The following TBC1D5 variants were observed in gnomAD, a reference collection of about 807,000 sequenced individuals.
TBC1D5 encodes the protein TBC1 domain family member 5.
TBC1D5 carries 75 observed loss-of-function variants against 100.3 expected under a neutral mutation model. The observed-to-expected ratio is 0.75, with a 90% CI of 0.62 to 0.91. The LOEUF (loss-of-function observed/expected upper bound fraction) is 0.91, where lower values mean the gene tolerates loss of function less well. TBC1D5 is among the 40% of genes least tolerant of loss of function. TBC1D5 has a pLI of 0.00. For synonymous variants in TBC1D5, 323 were observed against 325.6 expected (o/e 0.99, Z 0.09); for missense variants, 910 against 942.4 (o/e 0.97, Z 0.45).
intron 3 of TBC1D5, among the ~76,000 whole-genome samples, chr3:17,495,177 G>T (rs1406887540): frequency 6.6e-6 from 1 of 152,180 alleles, no homozygotes; most frequent in East Asian, 1.9e-4. Context: ...TCCTCCACAG[G>T]AGCCACAGAT....
At chr3:17,650,178 A>G (rs1404007029) in intron 1 of TBC1D5, among the ~76,000 whole-genome samples, 1 of 152,132 alleles carries the variant, frequency 6.6e-6, no homozygotes, top group Non-Finnish European at 1.5e-5. Context: ...GCATTAGGAG[A>G]AATACCTCAT....
chr3:17,452,626 A>G (rs1213330682), intron 3 of TBC1D5, among the ~76,000 whole-genome samples: 1 of 152,196 alleles, frequency 6.6e-6, no homozygotes, highest in Non-Finnish European at 1.5e-5. Context: ...ACAATTATAA[A>G]TATATATGCA....
At chr3:17,164,794 T>G (rs1274143793) in intron 21 of TBC1D5, among the ~76,000 whole-genome samples, 2 of 152,344 alleles carry the variant, frequency 1.3e-5, no homozygotes, top group Admixed American at 1.3e-4. Context: ...GAAGGCCCCA[T>G]GCACTTGGCT....
intron 18 of TBC1D5, among the ~76,000 whole-genome samples, chr3:17,210,367 T>C (rs995155259): frequency 6.6e-6 from 1 of 152,032 alleles, no homozygotes; most frequent in Admixed American, 6.5e-5. Flanking sequence ...TCTGTATTTT[T>C]AGTAGCGATG....
At chr3:17,391,775 C>T (rs185447299) in intron 8 of TBC1D5, among the ~76,000 whole-genome samples, 13 of 152,176 alleles carry the variant, frequency 8.5e-5, no homozygotes, top group African/African-American at 2.4e-4. Flanking sequence ...TTCCTTATTA[C>T]GCAGTGACAG....
chr3:17,260,726 G>C (rs1029496732), intron 15 of TBC1D5, among the ~76,000 whole-genome samples: 1 of 152,044 alleles, frequency 6.6e-6, no homozygotes, highest in Non-Finnish European at 1.5e-5. Context: ...CCAACAGTGG[G>C]TCACAAATAT....
At chr3:17,608,589 C>T (rs73165777) in intron 2 of TBC1D5, among the ~76,000 whole-genome samples, 7,671 of 152,144 alleles carry the variant, frequency 0.05, 618 homozygotes, top group African/African-American at 0.17. Context: ...TGGGTTAACT[C>T]TTCATTAAGA....
At chr3:17,539,450 C>G (rs534300909) in intron 2 of TBC1D5, among the ~76,000 whole-genome samples, 1 of 152,156 alleles carries the variant, frequency 6.6e-6, no homozygotes. Context: ...TTTTGCAGGG[C>G]CATTTTTAAA....
At chr3:17,513,121 C>T (rs913708860) in intron 2 of TBC1D5, among the ~76,000 whole-genome samples, 4 of 152,068 alleles carry the variant, frequency 2.6e-5, no homozygotes, top group African/African-American at 9.7e-5. Flanking sequence ...ATCACGAGGT[C>T]AGGAGTTAGA....
chr3:17,298,222 A>C (rs1479659101), intron 14 of TBC1D5, among the ~76,000 whole-genome samples: 3 of 152,234 alleles, frequency 2.0e-5, no homozygotes, highest in Non-Finnish European at 4.4e-5. Flanking sequence ...TGGCTGAAGT[A>C]CACAAGGTAT....
chr3:17,490,692 T>G (rs950846101), intron 3 of TBC1D5, among the ~76,000 whole-genome samples: 2 of 152,222 alleles, frequency 1.3e-5, no homozygotes, highest in African/African-American at 4.8e-5. Flanking sequence ...TTTGTACCAG[T>G]ACCATGCTGT....
At chr3:17,706,228 G>T in intron 1 of TBC1D5, 1 of 1,549,244 alleles carries the variant, frequency 6.5e-7, no homozygotes, top group South Asian at 1.2e-5. Flanking sequence ...CTGTGGAGGC[G>T]GCGGCCACCA....
intron 17 of TBC1D5, among the ~76,000 whole-genome samples, chr3:17,225,487 C>T (rs976485479): frequency 3.4e-5 from 5 of 145,402 alleles, no homozygotes; most frequent in African/African-American, 1.3e-4. Context: ...AACAGTACAA[C>T]ACAAATAGTA....
chr3:17,192,577 C>T (rs1364489778), intron 18 of TBC1D5, among the ~76,000 whole-genome samples: 1 of 152,128 alleles, frequency 6.6e-6, no homozygotes, highest in African/African-American at 2.4e-5. Context: ...TAGCAGTTCC[C>T]ATTTTTGGAC....
exon 12 of TBC1D5, chr3:17,374,519 C>T: frequency 6.2e-7 from 1 of 1,612,056 alleles, no homozygotes. Flanking sequence ...CAGCAGTTTC[C>T]ATAAGTTGTG....
At chr3:17,224,379 C>T (rs762786269) in intron 17 of TBC1D5, among the ~76,000 whole-genome samples, 20 of 152,178 alleles carry the variant, frequency 1.3e-4, no homozygotes, top group Non-Finnish European at 2.4e-4. Context: ...TTAGTATTCA[C>T]ACTTAAAAAG....
chr3:17,653,484 T>C (rs1411486236), intron 1 of TBC1D5, among the ~76,000 whole-genome samples: 1 of 151,990 alleles, frequency 6.6e-6, no homozygotes, highest in African/African-American at 2.4e-5. Context: ...AATTGAGGGA[T>C]ATTCTAAAAT....
intron 1 of TBC1D5, among the ~76,000 whole-genome samples, chr3:17,669,688 C>A (rs1474745395): frequency 6.6e-6 from 1 of 152,150 alleles, no homozygotes; most frequent in Non-Finnish European, 1.5e-5. Flanking sequence ...GTACATGGCA[C>A]ATACTAACCT....
At position 17,713,770 on chromosome 3, in the gene TBC1D5, C is replaced by A. The variant is rs114278806; in HGVS notation, c.-101+25573G>T. ...AGAAGATATTCAAATGGCCAGAAAGCACATGAAAACATGCTCAACATCATT... is the reference window on the plus strand; with the variant it reads ...AGAAGATATTCAAATGGCCAGAAAGAACATGAAAACATGCTCAACATCATT... On this transcript the variant is annotated intron_variant, in intron 1 of 21. Transcript: ENST00000253692. Among the ~76,000 whole-genome samples the A allele has an allele frequency of 7.2e-3, 1,092 of 152,166 alleles. 6 individuals carry two copies. The highest frequency in any genetic ancestry group is 0.024 in the African/African-American group (1,003 of 41,504).
Sources: gnomAD v4.1 joint callset for allele counts (sites outside exome capture counted in the v4.1 genomes callset) on GRCh38, gnomAD v4.1.1 for gene constraint, MANE v1.5 for transcripts, NCBI Gene and HGNC (gene_info 2026-07-23, HGNC 2026-07-21) for gene names.